The following NEMF variants were observed in gnomAD, a reference collection of about 807,000 sequenced individuals.
NEMF encodes the protein ribosome quality control complex subunit NEMF.
NEMF carries 89 observed loss-of-function variants against 162.2 expected under a neutral mutation model. The ratio of observed to expected loss-of-function variants is 0.55; its 90% CI spans 0.46 to 0.65. The LOEUF (loss-of-function observed/expected upper bound fraction) is 0.65. Among genes scored for constraint, NEMF ranks in the 30% least tolerant of loss-of-function variants. The pLI is 0.00. For missense variants in NEMF, 1,133 were observed against 1,261.9 expected, an observed-to-expected ratio of 0.90 and a Z score of 1.55; for synonymous variants, 421 against 404.5, an observed-to-expected ratio of 1.04 and a Z score of -0.49.
Position 49,795,849 on chromosome 14 carries a change from G to C in NEMF, c.2561C>G (p.Thr854Ser). ...AACATTTTTGCTTGTGTTCTGATGA[G>C]TTTCAATGTGTACAGTACTTTCTTT... ...KEKESTVHIE[T>S]HQNTSKNVAA... is the part of the protein sequence containing the mutation. The change falls in exon 26 of 33, where the codon ACT (threonine) becomes AGT (serine). Residue 854 changes from threonine (T) to serine (S), a missense_variant. This residue lies in a region of NEMF where 532 missense variants were observed against 578.6 expected (regional missense o/e 0.92). Coordinates refer to ENST00000298310, the MANE Select transcript of NEMF (RefSeq NM_004713.6). The C allele has an allele frequency of 6.2e-7, 1 of 1,613,458 alleles. No homozygotes were observed. Among genetic ancestry groups the C allele is most frequent in the Non-Finnish European group, 8.5e-7 (1 of 1,179,704 alleles).
intron 3 of NEMF, among the ~76,000 whole-genome samples, chr14:49,847,046 C>T (rs548076998): frequency 3.3e-4 from 50 of 152,098 alleles, no homozygotes; most frequent in South Asian, 2.3e-3. Flanking sequence ...CCACCACACC[C>T]GGCTAATTTT....
In NEMF at chr14:49,782,874, A is replaced by C. The variant is rs143008372; in HGVS notation, c.*1762T>G. The C allele has an allele frequency of 1.3e-5, 21 of 1,613,752 alleles. No homozygotes were observed. Among genetic ancestry groups the C allele is most frequent in the Non-Finnish European group, 1.8e-5 (21 of 1,179,752 alleles). ...ATTTGCTTTAAAGAAATGTTAGCCA[A>C]CTCATGGAACTGCCTTCCAAAACAC... On this transcript the variant is annotated 3_prime_UTR_variant, in exon 33 of 33. Coordinates refer to ENST00000298310, the MANE Select transcript of NEMF (RefSeq NM_004713.6).
At chr14:49,824,908 G>A (rs1432410183) in intron 16 of NEMF, among the ~76,000 whole-genome samples, 1 of 152,190 alleles carries the variant, frequency 6.6e-6, no homozygotes, top group African/African-American at 2.4e-5. Flanking sequence ...AAAGAAAAGT[G>A]TACGATGCTT....
chr14:49,836,051 G>A (rs1419572749), intron 6 of NEMF, among the ~76,000 whole-genome samples: 6 of 152,080 alleles, frequency 3.9e-5, no homozygotes, highest in Non-Finnish European at 7.3e-5. Context: ...TCCTTACCAG[G>A]CCAGGCAGTG....
chr14:49,788,006 ATG>A (rs1269682220), intron 28 of NEMF, among the ~76,000 whole-genome samples: 2 of 152,094 alleles, frequency 1.3e-5, no homozygotes, highest in Non-Finnish European at 2.9e-5. Flanking sequence ...CAGGCTGGGC[ATG>A]TGTCTTACGC....
At position 49,852,170 on chromosome 14, in the gene NEMF, G is replaced by A. The variant is rs532423547; in HGVS notation, c.60-295C>T. Among the ~76,000 whole-genome samples the A allele has an allele frequency of 3.6e-3, 34 of 9,552 alleles. No individual in the cohort carries two copies. In the South Asian group the frequency reaches 0.17, roughly 47 times the overall value. 6.3% of individuals were successfully genotyped at this position (9,552 alleles called of 152,430 possible). A position where few individuals can be genotyped will look rare whatever the true frequency, so the allele number is the denominator to read the frequency against. ...TATAATCCAATTAATTTATTACAAG[G>A]GAGAAAAAAAAAAGATAAAAGAGGG... On this transcript the variant is annotated intron_variant, in intron 1 of 32. Coordinates refer to ENST00000298310, the MANE Select transcript of NEMF (RefSeq NM_004713.6).
At chr14:49,838,061 A>G in intron 6 of NEMF, 78 bp downstream of exon 6, 1 of 1,140,174 alleles carries the variant, frequency 8.8e-7, no homozygotes, top group Non-Finnish European at 1.3e-6. Flanking sequence ...TTCTAATAAA[A>G]CCATAAAAGA....
At chr14:49,817,449 A>T (rs1891771181) in intron 16 of NEMF, among the ~76,000 whole-genome samples, 2 of 151,604 alleles carry the variant, frequency 1.3e-5, no homozygotes. Flanking sequence ...CAAAAAACAA[A>T]AAACAAACAA....
chr14:49,820,560 G>A, intron 16 of NEMF: 1 of 453,524 alleles, frequency 2.2e-6, no homozygotes, highest in Non-Finnish European at 4.4e-6. Context: ...CTTGAGGTCA[G>A]GAGTTCGAGA....
chr14:49,795,820 C>A lies in NEMF; in HGVS notation c.2590G>T (p.Ala864Ser), dbSNP rs1890667154. The A allele has an allele frequency of 1.2e-6, 2 of 1,612,548 alleles. No individual in the cohort carries two copies. The highest frequency in any genetic ancestry group is 1.3e-5 in the African/African-American group (1 of 74,798). ...THQNTSKNVAAVQPMKRGQKS... is the reference protein window; with the variant it reads ...THQNTSKNVASVQPMKRGQKS... Reference sequence around the variant, plus strand: ...TGTCCTCGTTTCATTGGCTGCACAGCCGCAACATTTTTGCTTGTGTTCTGA... The same window carrying A: ...TGTCCTCGTTTCATTGGCTGCACAGACGCAACATTTTTGCTTGTGTTCTGA... The change falls in exon 26 of 33, where the codon GCT (alanine) becomes TCT (serine). Residue 864 changes from alanine to serine, a missense_variant. Physicochemically the swap from Ala to Ser is moderately conservative, Grantham distance 99. Coordinates refer to ENST00000298310, the MANE Select transcript of NEMF (RefSeq NM_004713.6).
At chr14:49,822,092 A>G (rs1892092606) in intron 16 of NEMF, among the ~76,000 whole-genome samples, 1 of 151,878 alleles carries the variant, frequency 6.6e-6, no homozygotes, top group African/African-American at 2.4e-5. Context: ...GTGCTTTGTT[A>G]AACAGATGCT....
In NEMF at chr14:49,782,484, C is replaced by G. The variant is rs759652534; in HGVS notation, c.*2152G>C. 1.3e-6 allele frequency: 2 copies of G among 1,596,492 alleles called. No individual in the cohort carries two copies. The highest frequency in any genetic ancestry group is 3.4e-5 in the Admixed American group (2 of 58,640). Reference sequence around the variant, plus strand: ...TAAGTATACTACCTTCACATTATTACTGAAACTTACTTGCAAAGCATTTGC... The same window carrying G: ...TAAGTATACTACCTTCACATTATTAGTGAAACTTACTTGCAAAGCATTTGC... On this transcript the variant is annotated 3_prime_UTR_variant, in exon 33 of 33. Transcript: ENST00000298310.
At chr14:49,814,513 T>G (rs1473737422) in intron 17 of NEMF, among the ~76,000 whole-genome samples, 3 of 152,244 alleles carry the variant, frequency 2.0e-5, no homozygotes, top group African/African-American at 7.2e-5. Context: ...ATTCTGTTAA[T>G]GTAATGTACT....
chr14:49,803,415 A>T, intron 19 of NEMF, 121 bp from the exon 20 acceptor site: 1 of 580,200 alleles, frequency 1.7e-6, no homozygotes, highest in Non-Finnish European at 2.9e-6. Flanking sequence ...AAAAGTTTAT[A>T]ATTTCGTACA....
Position 49,784,719 on chromosome 14 carries a change from A to C in NEMF, c.3154-6T>G. On this transcript the variant is annotated splice_region_variant and splice_polypyrimidine_tract_variant and intron_variant, in intron 32 of 32. Transcript: ENST00000298310. Reference sequence around the variant, plus strand: ...TTTCTTGATAAATCTGTGTCCTAAAAAAAGAAAATTGCTGAATATCTTCAC... The same window carrying C: ...TTTCTTGATAAATCTGTGTCCTAAACAAAGAAAATTGCTGAATATCTTCAC... The C allele has an allele frequency of 6.2e-7, 1 of 1,610,530 alleles. No homozygotes were observed. Among genetic ancestry groups the C allele is most frequent in the Non-Finnish European group, 8.5e-7 (1 of 1,177,486 alleles).
intron 26 of NEMF, among the ~76,000 whole-genome samples, chr14:49,791,559 A>C (rs1397450215): frequency 2.0e-5 from 3 of 151,946 alleles, no homozygotes; most frequent in Non-Finnish European, 4.4e-5. Flanking sequence ...CAACATGGTG[A>C]AACTCTGTCG....
intron 15 of NEMF, 124 bp from the exon 16 acceptor site, chr14:49,826,079 CAA>C: frequency 3.5e-6 from 2 of 573,994 alleles, no homozygotes; most frequent in East Asian, 3.0e-5. Context: ...CACACACACA[CAA>C]ACACACACAC....
intron 18 of NEMF, among the ~76,000 whole-genome samples, chr14:49,808,223 A>T (rs539799764): frequency 6.6e-6 from 1 of 152,134 alleles, no homozygotes; most frequent in African/African-American, 2.4e-5. Flanking sequence ...CCCAGGCTGG[A>T]GTGCAATGAT....
chr14:49,813,954 G>T, intron 18 of NEMF, 34 bp downstream of exon 18: 1 of 1,218,376 alleles, frequency 8.2e-7, no homozygotes, highest in Non-Finnish European at 1.2e-6. Flanking sequence ...TTAAAGAAAG[G>T]AACAGGAATT....
Sources: gnomAD v4.1 joint callset for allele counts (sites outside exome capture counted in the v4.1 genomes callset) on GRCh38, gnomAD v4.1.1 for gene constraint, gnomAD v4.1.1 regional missense constraint, MANE v1.5 for transcripts, NCBI Gene and HGNC (gene_info 2026-07-23, HGNC 2026-07-21) for gene names.